MAP3K7CL: variants seen among roughly 807,000 people sequenced by gnomAD.
MAP3K7CL encodes the protein MAP3K7 C-terminal like.
In MAP3K7CL, 16 loss-of-function variants were observed where a neutral mutation model predicts 18.6. That is an observed-to-expected ratio of 0.86 (90% CI 0.58 to 1.31). The LOEUF is 1.31. Ranked by LOEUF, MAP3K7CL falls within the 50% of genes most tolerant of loss-of-function variation. The pLI, the probability that MAP3K7CL is intolerant of heterozygous loss-of-function variation, is 0.00. For synonymous variants in MAP3K7CL, 65 were observed against 66.8 expected (o/e 0.97, Z 0.13); for missense variants, 163 against 174.4 (o/e 0.93, Z 0.37).
At position 29,089,981 on chromosome 21, in the gene MAP3K7CL, G is replaced by A. The variant is rs575812189; in HGVS notation, c.58-1520G>A. On this transcript the variant is annotated intron_variant, in intron 1 of 6. Coordinates refer to the MAP3K7CL transcript ENST00000286791. ...GAGAAGGCAGGAGGGAAGGAAAAAA[G>A]AAAGAATTGATATAACCTAATAATT... Among the ~76,000 whole-genome samples, 635 of 152,208 alleles carry A rather than the reference G, an allele frequency of 4.2e-3. 3 individuals are homozygous for A. Among genetic ancestry groups the A allele is most frequent in the Non-Finnish European group, 7.2e-3 (488 of 67,982 alleles).
At chr21:29,122,784 G>A (rs559817078) in intron 4 of MAP3K7CL, among the ~76,000 whole-genome samples, 5 of 152,304 alleles carry the variant, frequency 3.3e-5, no homozygotes, top group Middle Eastern at 3.4e-3. Context: ...AATGAGGAAT[G>A]CATGTTCTTA....
chr21:29,081,401 A>AAATT (rs561015002), upstream of MAP3K7CL, among the ~76,000 whole-genome samples: 37 of 152,324 alleles, frequency 2.4e-4, no homozygotes, highest in East Asian at 6.0e-3. Flanking sequence ...AAATACAAAA[A>AAATT]AATTAGCTGG....
intron 4 of MAP3K7CL, among the ~76,000 whole-genome samples, chr21:29,102,155 A>G (rs557193147): frequency 6.6e-6 from 1 of 152,372 alleles, no homozygotes; most frequent in East Asian, 1.9e-4. Flanking sequence ...AGCAGAAGAA[A>G]GACAAAGATT....
At chr21:29,127,033 C>G (rs1348832788), upstream of MAP3K7CL, among the ~76,000 whole-genome samples, 1 of 152,132 alleles carries the variant, frequency 6.6e-6, no homozygotes, top group African/African-American at 2.4e-5. Context: ...TATGGCAAAG[C>G]CTGGGAATGG....
intron 4 of MAP3K7CL, among the ~76,000 whole-genome samples, chr21:29,121,603 T>C (rs2086595823): frequency 6.6e-6 from 1 of 152,134 alleles, no homozygotes; most frequent in Admixed American, 6.6e-5. Flanking sequence ...GATGTCCAAG[T>C]AAAGACATAA....
chr21:29,128,353 A>C (rs2086716696), upstream of MAP3K7CL, among the ~76,000 whole-genome samples: 1 of 150,744 alleles, frequency 6.6e-6, no homozygotes, highest in East Asian at 1.9e-4. Context: ...CCCAGGCTGG[A>C]GTGCAGTGGC....
At chr21:29,110,732 T>C (rs1834133525) in intron 4 of MAP3K7CL, among the ~76,000 whole-genome samples, 1 of 152,160 alleles carries the variant, frequency 6.6e-6, no homozygotes, top group Admixed American at 6.5e-5. Context: ...TGCTGGTAGT[T>C]CCTAAACTTC....
chr21:29,090,912 C>T (rs534514098), intron 1 of MAP3K7CL, among the ~76,000 whole-genome samples: 1 of 152,092 alleles, frequency 6.6e-6, no homozygotes, highest in South Asian at 2.1e-4. Context: ...TTAATAGTCA[C>T]ATTAAAAAAC....
upstream of MAP3K7CL, among the ~76,000 whole-genome samples, chr21:29,085,662 A>G (rs1216876306): frequency 6.6e-6 from 1 of 150,612 alleles, no homozygotes; most frequent in Non-Finnish European, 1.5e-5. Context: ...AAATTCATTT[A>G]TGTAGAAAAC....
In MAP3K7CL at chr21:29,160,005, CAGA is replaced by C. The variant is rs762012360; in HGVS notation, c.202_204del (p.Glu68del). Reference sequence around the variant, plus strand: ...GTGTTCAAACAGCACTGCCAAATAGCAGAAGAATACCATGAGGTCAAAAAGGAA... The same window carrying C: ...GTGTTCAAACAGCACTGCCAAATAGCAGAATACCATGAGGTCAAAAAGGAA... On this transcript the variant is annotated inframe_deletion, in exon 4 of 5. Transcript: ENST00000399928. 33 of 1,614,076 alleles carry C rather than the reference CAGA, an allele frequency of 2.0e-5. No individual in the cohort carries two copies. Among genetic ancestry groups the C allele is most frequent in the Non-Finnish European group, 2.8e-5 (33 of 1,179,968 alleles).
At chr21:29,096,025 A>G (rs1012729437) in intron 4 of MAP3K7CL, among the ~76,000 whole-genome samples, 2 of 152,190 alleles carry the variant, frequency 1.3e-5, no homozygotes, top group African/African-American at 4.8e-5. Context: ...CTGCATGAAA[A>G]AATGTTTTTA....
intron 4 of MAP3K7CL, among the ~76,000 whole-genome samples, chr21:29,113,183 G>A (rs1460847833): frequency 2.0e-5 from 3 of 152,096 alleles, no homozygotes; most frequent in Non-Finnish European, 4.4e-5. Flanking sequence ...TTGGATATAG[G>A]ATTTTTGGAT....
chr21:29,173,758 G>A (rs765206334), intron 4 of MAP3K7CL, among the ~76,000 whole-genome samples: 1 of 152,164 alleles, frequency 6.6e-6, no homozygotes, highest in Non-Finnish European at 1.5e-5. Context: ...CTGGAGTGCA[G>A]TGGCACAATC....
upstream of MAP3K7CL, among the ~76,000 whole-genome samples, chr21:29,082,708 A>T (rs1414208911): frequency 6.6e-6 from 1 of 152,306 alleles, no homozygotes; most frequent in South Asian, 2.1e-4. Flanking sequence ...AAGGCTGTAG[A>T]TACATGGAGG....
intron 2 of MAP3K7CL, among the ~76,000 whole-genome samples, chr21:29,143,070 A>C (rs1051828027): frequency 3.3e-5 from 5 of 152,216 alleles, no homozygotes; most frequent in African/African-American, 1.2e-4. Flanking sequence ...AGGACAATTT[A>C]CAGGACACCA....
chr21:29,169,329 G>A (rs966642189), intron 4 of MAP3K7CL, among the ~76,000 whole-genome samples: 14 of 152,160 alleles, frequency 9.2e-5, no homozygotes, highest in African/African-American at 3.4e-4. Context: ...CAACAACATA[G>A]TCTAGACTGA....
chr21:29,085,843 G>A (rs150850006), upstream of MAP3K7CL: 27,332 of 1,613,806 alleles, frequency 0.017, 296 homozygotes, highest in Middle Eastern at 0.029. Flanking sequence ...TTAAATTACT[G>A]TCATGCAAAG....
intron 4 of MAP3K7CL, among the ~76,000 whole-genome samples, chr21:29,119,359 C>G (rs1304837673): frequency 6.6e-6 from 1 of 152,204 alleles, no homozygotes; most frequent in Admixed American, 6.5e-5. Flanking sequence ...CCCTAAAGGT[C>G]TTTGCCCTTC....
At chr21:29,086,828 C>T (rs1286061467) in intron 1 of MAP3K7CL, among the ~76,000 whole-genome samples, 1 of 152,148 alleles carries the variant, frequency 6.6e-6, no homozygotes, top group Non-Finnish European at 1.5e-5. Flanking sequence ...AGGGTTTTAT[C>T]ATATATCAAC....
Sources: allele counts gnomAD v4.1 joint callset (sites outside exome capture counted in the v4.1 genomes callset), GRCh38; gene constraint gnomAD v4.1.1; transcripts MANE v1.5; gene names NCBI Gene and HGNC (gene_info 2026-07-23, HGNC 2026-07-21).